MAPKBP1: variants seen among roughly 807,000 people sequenced by gnomAD.
MAPKBP1 encodes mitogen-activated protein kinase-binding protein 1.
A neutral mutation model predicts 170.5 loss-of-function variants in MAPKBP1; 71 were observed. That is an observed-to-expected ratio of 0.42 (90% CI 0.34 to 0.51). The LOEUF is 0.51. Ranked by LOEUF, MAPKBP1 falls within the 20% of genes least tolerant of loss-of-function variation. The pLI, the probability that MAPKBP1 is intolerant of heterozygous loss-of-function variation, is 0.06. For synonymous variants in MAPKBP1, 719 were observed against 757.9 expected (o/e 0.95, Z 0.84); for missense variants, 1,598 against 1,933.0 (o/e 0.83, Z 3.25).
chr15:41,795,793 TA>T (rs1381487866), intron 2 of MAPKBP1, among the ~76,000 whole-genome samples: 4 of 152,090 alleles, frequency 2.6e-5, no homozygotes, highest in Non-Finnish European at 4.4e-5. Flanking sequence ...GTATTTTTAT[TA>T]GAGACGGGGT....
chr15:41,810,998 G>A (rs2064795093), intron 4 of MAPKBP1, 53 bp downstream of exon 4: 2 of 1,604,490 alleles, frequency 1.2e-6, no homozygotes, highest in Non-Finnish European at 8.5e-7. Context: ...GCTATGAGAA[G>A]GGCACTGTCT....
Position 41,817,511 on chromosome 15 carries a change from T to C in MAPKBP1, c.1782+53T>C, listed in dbSNP as rs997438505. 6.2e-7 allele frequency: 1 copy of C among 1,613,626 alleles called. No individual in the cohort carries two copies. Among genetic ancestry groups the C allele is most frequent in the African/African-American group, 1.3e-5 (1 of 74,928 alleles). ...GGCGGGACAGGGCGGGGTCTGCCATTCCCTGCCTAAGGTTACAAGAGGTGA... is the reference window on the plus strand; with the variant it reads ...GGCGGGACAGGGCGGGGTCTGCCATCCCCTGCCTAAGGTTACAAGAGGTGA... On this transcript the variant is annotated intron_variant, in intron 15 of 30. Coordinates refer to ENST00000457542, the MANE Select transcript of MAPKBP1 (RefSeq NM_014994.3). This position sits in a 1 kb window ranked among gnomAD's most constrained non-coding sequence, Gnocchi z 4.2.
At chr15:41,787,209 T>C (rs1035887810) in intron 2 of MAPKBP1, among the ~76,000 whole-genome samples, 1 of 152,148 alleles carries the variant, frequency 6.6e-6, no homozygotes, top group Non-Finnish European at 1.5e-5. Context: ...TTGAAGTACA[T>C]GTGCTTTCTG....
intron 30 of MAPKBP1, 40 bp downstream of exon 30, chr15:41,824,609 C>T (rs563914075): frequency 9.2e-6 from 14 of 1,529,586 alleles, no homozygotes; most frequent in African/African-American, 1.4e-5. Context: ...GCGGGCACGT[C>T]AGTAGTGCTG....
chr15:41,797,222 G>T (rs1042654101), intron 2 of MAPKBP1, among the ~76,000 whole-genome samples: 2 of 152,154 alleles, frequency 1.3e-5, no homozygotes, highest in Non-Finnish European at 2.9e-5. Flanking sequence ...CAACTGACTT[G>T]GTGTAATTCT....
chr15:41,809,410 A>T (rs1357451571), intron 3 of MAPKBP1, among the ~76,000 whole-genome samples: 2 of 152,182 alleles, frequency 1.3e-5, no homozygotes, highest in Non-Finnish European at 2.9e-5. Flanking sequence ...AAATTTGCAT[A>T]TCAAAGTGGT....
intron 7 of MAPKBP1, 101 bp from the exon 8 acceptor site, chr15:41,812,818 G>A (rs2064826391): frequency 1.4e-6 from 2 of 1,463,856 alleles, no homozygotes; most frequent in African/African-American, 1.4e-5. Flanking sequence ...GGCCCAAAGA[G>A]CAAGGAGGTG....
rs140690428 is a variant in MAPKBP1 at position 41,802,520 on chromosome 15, C to A, written c.206+2606C>A. Among the ~76,000 whole-genome samples the A allele has an allele frequency of 5.8e-3, 890 of 152,304 alleles. 13 individuals are homozygous for A. Among genetic ancestry groups the A allele is most frequent in the African/African-American group, 0.021 (859 of 41,548 alleles). ...ATGGAGTCTCCCTCTGTCACCCAGG[C>A]TGGAATGCAGTGGCACGATCTTAGC... On this transcript the variant is annotated intron_variant, in intron 3 of 30. Coordinates refer to ENST00000457542, the MANE Select transcript of MAPKBP1 (RefSeq NM_014994.3).
intron 2 of MAPKBP1, among the ~76,000 whole-genome samples, chr15:41,797,002 T>G (rs2064502604): frequency 1.3e-5 from 2 of 152,252 alleles, no homozygotes; most frequent in East Asian, 3.8e-4. Flanking sequence ...TTTATGCATA[T>G]GCACACACGT....
rs1555454039 is a variant in MAPKBP1 at position 41,819,549 on chromosome 15, G to GGGGGA, written c.2426-42_2426-41insAGGGG. 1.9e-5 allele frequency: 27 copies of GGGGGA among 1,448,678 alleles called. 2 individuals are homozygous for GGGGGA. In the African/African-American group the frequency reaches 1.9e-4, roughly 10 times the overall value. The allele number at this position is 1,448,678 out of a possible 1,614,324, so 89.7% of individuals were successfully genotyped here. A position where few individuals can be genotyped will look rare whatever the true frequency, so the allele number is the denominator to read the frequency against. On this transcript the variant is annotated intron_variant, in intron 21 of 30. Transcript: ENST00000457542. ...GCCAGGGCTCCAGGGTTGGGTGGCG[G>GGGGGA]GGGGGGGGCAGGAGACACTTCCTCT...
chr15:41,816,866 C>G, intron 13 of MAPKBP1, 44 bp from the exon 14 acceptor site: 1 of 1,565,050 alleles, frequency 6.4e-7, no homozygotes, highest in Non-Finnish European at 8.7e-7. Context: ...CAGATAAGGG[C>G]TGTTCAGGGC....
In MAPKBP1 at chr15:41,826,065, C is replaced by G. The variant is rs1001524097; in HGVS notation, c.*629C>G. 2 of 152,900 alleles carry G rather than the reference C, an allele frequency of 1.3e-5. No individual in the cohort carries two copies. 9.5% of individuals were successfully genotyped at this position (152,900 alleles called of 1,614,324 possible). ...AGCCCGCACATTCCACTCCCATTCT[C>G]CCTCCAAGAGGGGCCCAGCATTGTA... On this transcript the variant is annotated 3_prime_UTR_variant, in exon 31 of 31. Transcript: ENST00000457542.
chr15:41,785,603 C>T (rs2064272080), intron 2 of MAPKBP1, among the ~76,000 whole-genome samples: 1 of 151,946 alleles, frequency 6.6e-6, no homozygotes, highest in African/African-American at 2.4e-5. Flanking sequence ...AATGAATTAG[C>T]CTTTTGTCTA....
intron 3 of MAPKBP1, among the ~76,000 whole-genome samples, chr15:41,807,236 C>T (rs1156486384): frequency 6.6e-6 from 1 of 152,152 alleles, no homozygotes; most frequent in African/African-American, 2.4e-5. Flanking sequence ...CACACACATG[C>T]ATCATTCACC....
chr15:41,813,217 G>T, intron 8 of MAPKBP1, 116 bp downstream of exon 8: 1 of 1,518,830 alleles, frequency 6.6e-7, no homozygotes, highest in Non-Finnish European at 9.0e-7. Flanking sequence ...GATCCCAGGA[G>T]AACGAAGCTT....
At position 41,818,346 on chromosome 15, in the gene MAPKBP1, C is replaced by T. The variant is rs1317630161; in HGVS notation, c.2092+41C>T. ...ATCCCCGAGTAGAAGCTGATACCTGCGTAAACCTGAGTGAGTTCCACCCCT... is the reference window on the plus strand; with the variant it reads ...ATCCCCGAGTAGAAGCTGATACCTGTGTAAACCTGAGTGAGTTCCACCCCT... On this transcript the variant is annotated intron_variant, in intron 18 of 30. Coordinates refer to ENST00000457542, the MANE Select transcript of MAPKBP1 (RefSeq NM_014994.3). The surrounding 1 kb of genome is among the most constrained non-coding windows in gnomAD (Gnocchi z 5.2). 2.6e-6 allele frequency: 4 copies of T among 1,544,470 alleles called. No individual in the cohort carries two copies. Among genetic ancestry groups the T allele is most frequent in the Admixed American group, 1.7e-5 (1 of 59,864 alleles).
chr15:41,814,412 T>C (rs558098760), intron 9 of MAPKBP1, 138 bp from the exon 10 acceptor site: 18 of 759,934 alleles, frequency 2.4e-5, no homozygotes, highest in Non-Finnish European at 2.1e-6. Context: ...TAGTAGGGGC[T>C]CCTTTCTTCT....
chr15:41,779,122 G>T (rs982207274), intron 2 of MAPKBP1, among the ~76,000 whole-genome samples: 1 of 152,108 alleles, frequency 6.6e-6, no homozygotes, highest in Non-Finnish European at 1.5e-5. Flanking sequence ...AGTTTGGTTG[G>T]GTGGGTTTCA....
chr15:41,787,135 C>T (rs1433440337), intron 2 of MAPKBP1, among the ~76,000 whole-genome samples: 1 of 151,790 alleles, frequency 6.6e-6, no homozygotes, highest in Non-Finnish European at 1.5e-5. Context: ...CTGTGCCTGG[C>T]CAGTTTCTAA....
Sources: gnomAD v4.1 joint callset for allele counts (sites outside exome capture counted in the v4.1 genomes callset) on GRCh38, gnomAD v4.1.1 for gene constraint, Gnocchi (gnomAD v3.1) non-coding constraint, MANE v1.5 for transcripts, NCBI Gene and HGNC (gene_info 2026-07-23, HGNC 2026-07-21) for gene names.